The following CTNND2 variants were observed in gnomAD, a reference collection of about 807,000 sequenced individuals.
CTNND2 encodes catenin delta 2, also known as catenin delta-2.
A neutral mutation model predicts 144.4 loss-of-function variants in CTNND2; 22 were observed. The observed-to-expected ratio is 0.15, with a 90% CI of 0.11 to 0.22. The LOEUF (loss-of-function observed/expected upper bound fraction) is 0.22. Ranked by LOEUF, CTNND2 falls within the 10% of genes least tolerant of loss-of-function variation. The probability of loss-of-function intolerance (pLI) is 1.00; values close to 1 mark genes in which losing one functional copy is unlikely to be tolerated. For missense variants in CTNND2, 1,353 were observed against 1,618.8 expected, an observed-to-expected ratio of 0.84 and a Z score of 2.82; for synonymous variants, 751 against 695.6, an observed-to-expected ratio of 1.08 and a Z score of -1.25.
At chr5:11,463,584 G>A (rs1364033956) in intron 3 of CTNND2, among the ~76,000 whole-genome samples, 5 of 151,932 alleles carry the variant, frequency 3.3e-5, no homozygotes, top group African/African-American at 7.3e-5. Context: ...CCCATGTTCT[G>A]GCTTACTCCT....
chr5:11,133,313 T>C (rs1755795754), intron 12 of CTNND2, among the ~76,000 whole-genome samples: 1 of 152,216 alleles, frequency 6.6e-6, no homozygotes, highest in South Asian at 2.1e-4. Flanking sequence ...TAACTAGTAA[T>C]TTAATCTTAA....
At chr5:11,586,879 G>A (rs896354334) in intron 2 of CTNND2, among the ~76,000 whole-genome samples, 1 of 151,738 alleles carries the variant, frequency 6.6e-6, no homozygotes, top group Non-Finnish European at 1.5e-5. Context: ...TGTTTAAAAT[G>A]CCACCTAAAG....
At chr5:11,436,792 T>C (rs1214614489) in intron 3 of CTNND2, among the ~76,000 whole-genome samples, 1 of 152,238 alleles carries the variant, frequency 6.6e-6, no homozygotes, top group East Asian at 1.9e-4. Context: ...AGTTTCCTAA[T>C]ATTTCCCTTT....
intron 18 of CTNND2, among the ~76,000 whole-genome samples, chr5:11,008,196 T>C (rs142270037): frequency 5.3e-4 from 80 of 152,270 alleles, no homozygotes; most frequent in African/African-American, 1.9e-3. Context: ...GCCTCCCCCA[T>C]AGAAGATGTC....
At chr5:11,002,592 GAA>G (rs1167025334) in intron 18 of CTNND2, among the ~76,000 whole-genome samples, 1 of 152,156 alleles carries the variant, frequency 6.6e-6, no homozygotes, top group African/African-American at 2.4e-5. Flanking sequence ...TATGGGGAGA[GAA>G]AACAGGCTAA....
chr5:11,745,497 C>A (rs1253383523), intron 1 of CTNND2, among the ~76,000 whole-genome samples: 1 of 152,196 alleles, frequency 6.6e-6, no homozygotes, highest in East Asian at 1.9e-4. Flanking sequence ...CAAAGCCATG[C>A]ACACCCAAGA....
At chr5:11,896,907 G>A (rs896588261) in intron 1 of CTNND2, among the ~76,000 whole-genome samples, 5 of 152,104 alleles carry the variant, frequency 3.3e-5, no homozygotes, top group Non-Finnish European at 5.9e-5. Flanking sequence ...CTATGCACCT[G>A]CTATGAATTT....
intron 10 of CTNND2, among the ~76,000 whole-genome samples, chr5:11,205,959 C>CA (rs1737998458): frequency 6.6e-6 from 1 of 152,178 alleles, no homozygotes; most frequent in Non-Finnish European, 1.5e-5. Flanking sequence ...AAAGCATGAA[C>CA]AAAGTGTGAA....
At chr5:11,897,698 A>G (rs1170880564) in intron 1 of CTNND2, among the ~76,000 whole-genome samples, 3 of 152,222 alleles carry the variant, frequency 2.0e-5, no homozygotes, top group Non-Finnish European at 2.9e-5. Flanking sequence ...CATAGTTGCT[A>G]CAAATCAACC....
chr5:11,406,649 T>G (rs1396101665), intron 5 of CTNND2, among the ~76,000 whole-genome samples: 1 of 152,148 alleles, frequency 6.6e-6, no homozygotes, highest in Non-Finnish European at 1.5e-5. Flanking sequence ...TTAAGTATAT[T>G]CACAGTAATC....
At chr5:11,880,227 T>C (rs1307082959) in intron 1 of CTNND2, among the ~76,000 whole-genome samples, 1 of 152,152 alleles carries the variant, frequency 6.6e-6, no homozygotes, top group Non-Finnish European at 1.5e-5. Context: ...ATTTATAACA[T>C]ATTCTCTTTT....
At chr5:11,775,423 C>T (rs28670276) in intron 1 of CTNND2, among the ~76,000 whole-genome samples, 36 of 152,224 alleles carry the variant, frequency 2.4e-4, no homozygotes, top group African/African-American at 3.4e-4. Flanking sequence ...GAGGATAAGA[C>T]GAGAGAAGCA....
At chr5:11,587,274 T>C (rs1021007222) in intron 2 of CTNND2, among the ~76,000 whole-genome samples, 1 of 152,112 alleles carries the variant, frequency 6.6e-6, no homozygotes, top group African/African-American at 2.4e-5. Context: ...TCTAAATCCA[T>C]AGCATTGAGA....
intron 2 of CTNND2, among the ~76,000 whole-genome samples, chr5:11,662,864 T>C (rs1191481232): frequency 1.3e-5 from 2 of 152,016 alleles, no homozygotes; most frequent in East Asian, 1.9e-4. Context: ...AACTGGGCCA[T>C]GGTGTCGAAA....
intron 2 of CTNND2, among the ~76,000 whole-genome samples, chr5:11,607,566 G>A (rs2727600): frequency 0.43 from 64,774 of 151,936 alleles, 14,387 homozygotes; most frequent in Middle Eastern, 0.65. Context: ...ATGATCTTAA[G>A]ATCTATGGCA....
intron 2 of CTNND2, among the ~76,000 whole-genome samples, chr5:11,571,445 G>C (rs2150116343): frequency 6.6e-6 from 1 of 152,260 alleles, no homozygotes; most frequent in South Asian, 2.1e-4. Context: ...AGATTGAGGA[G>C]GGGTGGGTCT....
chr5:11,681,692 A>T (rs1422657750), intron 2 of CTNND2, among the ~76,000 whole-genome samples: 1 of 152,358 alleles, frequency 6.6e-6, no homozygotes, highest in East Asian at 1.9e-4. Flanking sequence ...TATTTATCAC[A>T]ACGTAATTCC....
At chr5:11,140,504 G>A (rs929336205) in intron 12 of CTNND2, among the ~76,000 whole-genome samples, 4 of 152,176 alleles carry the variant, frequency 2.6e-5, no homozygotes, top group African/African-American at 7.2e-5. Context: ...TGCTAATAAA[G>A]TTCAAGCTTA....
intron 1 of CTNND2, among the ~76,000 whole-genome samples, chr5:11,737,154 G>T (rs978013531): frequency 1.8e-4 from 28 of 152,186 alleles, no homozygotes; most frequent in East Asian, 7.8e-4. Flanking sequence ...CAGTCCTGCT[G>T]CCAGGCTGGT....
Sources: gnomAD v4.1 joint callset for allele counts (sites outside exome capture counted in the v4.1 genomes callset) on GRCh38, gnomAD v4.1.1 for gene constraint, MANE v1.5 for transcripts, NCBI Gene and HGNC (gene_info 2026-07-23, HGNC 2026-07-21) for gene names.